Variants in ZBP1 observed in about 807,000 individuals in gnomAD.
The protein encoded by ZBP1 is Z-DNA binding protein 1.
A neutral mutation model predicts 41.1 loss-of-function variants in ZBP1; 42 were observed. That is an observed-to-expected ratio of 1.02 (90% confidence interval 0.80 to 1.32). The LOEUF (loss-of-function observed/expected upper bound fraction) is 1.32, where lower values mean the gene tolerates loss of function less well. ZBP1 is among the 40% of genes most tolerant of loss of function. The pLI, the probability that ZBP1 is intolerant of heterozygous loss-of-function variation, is 0.00. For missense variants in ZBP1, 562 were observed against 549.7 expected (o/e 1.02, Z -0.22); for synonymous variants, 214 against 205.2 (o/e 1.04, Z -0.37).
chr20:57,618,881 G>A (rs529176634), intron 1 of ZBP1, among the ~76,000 whole-genome samples: 14 of 152,268 alleles, frequency 9.2e-5, no homozygotes, highest in Non-Finnish European at 1.9e-4. Context: ...GCGCCTGGCC[G>A]CAGTTTTGAT....
At position 57,604,685 on chromosome 20, in the gene ZBP1, G is replaced by A. The variant is rs753737913; in HGVS notation, c.1178C>T (p.Thr393Ile). 1.2e-6 allele frequency: 2 copies of A among 1,614,194 alleles called. No homozygotes were observed. The highest frequency in any genetic ancestry group is 1.6e-4 in the Middle Eastern group (1 of 6,062). ...QPITPSHSKL[T>I]PKLETMTLGN... is the part of the protein sequence containing the mutation. ...AAGAGTCATAGTTTCCAGCTTGGGG[G>A]TGAGCTTCGAGTGGCTGGGAGTGAT... Residue 393 changes from threonine (T) to isoleucine (I), a missense_variant, in exon 8 of 8, where the codon ACC becomes ATC. Physicochemically the swap from Thr to Ile is moderately conservative, Grantham distance 89. Coordinates refer to ENST00000371173, the MANE Select transcript of ZBP1 (RefSeq NM_030776.3).
At chr20:57,606,697 A>AGAAT (rs373764454) in intron 7 of ZBP1, among the ~76,000 whole-genome samples, 1 of 152,230 alleles carries the variant, frequency 6.6e-6, no homozygotes, top group African/African-American at 2.4e-5. Flanking sequence ...AGGGCCCTTA[A>AGAAT]GAATGATGCT....
intron 5 of ZBP1, chr20:57,612,829 A>G: frequency 9.8e-7 from 1 of 1,025,468 alleles, no homozygotes; most frequent in Non-Finnish European, 1.2e-6. Context: ...TTTCTCATGA[A>G]AAACACCGGA....
Position 57,616,267 on chromosome 20 carries a change from G to T in ZBP1, c.236C>A (p.Ala79Glu). 1 of 1,614,068 alleles carries T rather than the reference G, an allele frequency of 6.2e-7. No individual in the cohort carries two copies. Reference protein sequence around the residue: ...GGTDPEGEGPAELALSSPAER... With the variant: ...GGTDPEGEGPEELALSSPAER... ...ACCAGGGCTGGACAAGGCCAGCTCT[G>T]CAGGACCCTCGCCTTCAGGATCAGT... is the stretch of plus-strand genomic sequence containing the variant. Residue 79 changes from alanine to glutamate, a missense_variant, in exon 2 of 8, where the codon GCA (alanine) becomes GAA (glutamate). Ala to Glu is a moderately radical substitution (Grantham distance 107, BLOSUM62 -1). Coordinates refer to ENST00000371173, the MANE Select transcript of ZBP1 (RefSeq NM_030776.3).
rs6025662 is a variant in ZBP1, at chr20:57,610,575, T to C, written c.875-208A>G. The C allele has an allele frequency of 0.025, 14,854 of 604,050 alleles. 1,725 individuals carry two copies. The African/African-American group carries it at 0.25, about 10-fold the overall frequency. 37.4% of individuals were successfully genotyped at this position (604,050 alleles called of 1,614,324 possible). On this transcript the variant is annotated intron_variant, in intron 6 of 7. Coordinates refer to ENST00000371173, the MANE Select transcript of ZBP1 (RefSeq NM_030776.3). The surrounding 1 kb of genome is among the most constrained non-coding windows in gnomAD (Gnocchi z 5.5). ...TGCTGTCTGGGAAGCGTCTTTCTGC[T>C]CCACTGATCCCGCAGTGGGTCTGCC... is the stretch of plus-strand genomic sequence containing the variant.
At position 57,616,286 on chromosome 20, in the gene ZBP1, G is replaced by T; in HGVS notation, c.217C>A (p.Pro73Thr). The T allele has an allele frequency of 6.2e-7, 1 of 1,614,170 alleles. No individual in the cohort carries two copies. Among genetic ancestry groups the T allele is most frequent in the Non-Finnish European group, 8.5e-7 (1 of 1,180,020 alleles). Residue 73 changes from proline to threonine, a missense_variant, in exon 2 of 8, where the codon CCT becomes ACT. Coordinates refer to ENST00000371173, the MANE Select transcript of ZBP1 (RefSeq NM_030776.3). ...PATWCLGGTD[P>T]EGEGPAELAL... is the part of the protein sequence containing the mutation. Reference sequence around the variant, plus strand: ...AGCTCTGCAGGACCCTCGCCTTCAGGATCAGTCCCGCCCAAGCACCAGGTG... The same window carrying T: ...AGCTCTGCAGGACCCTCGCCTTCAGTATCAGTCCCGCCCAAGCACCAGGTG...
chr20:57,606,658 C>T lies in ZBP1; in HGVS notation c.1094-1889G>A, dbSNP rs575503138. 3.9e-5 allele frequency among the ~76,000 whole-genome samples: 6 copies of T among 152,322 alleles called. No individual in the cohort carries two copies. The East Asian group carries it at 1.2e-3, about 29-fold the overall frequency. ...GTAGCTGGTGACTTTCAGCTGAAGC[C>T]TCTCCTCAATTACCATTTTGGAAAT... On this transcript the variant is annotated intron_variant, in intron 7 of 7. Coordinates refer to ENST00000371173, the MANE Select transcript of ZBP1 (RefSeq NM_030776.3).
rs1328954539 is a variant in ZBP1, at chr20:57,610,178, G to T, written c.1064C>A (p.Ser355Tyr). ...GTCCTCCCCTGGCTCCCCCTCTCCA[G>T]ACCCTGCGACTCCTCCTGGGCCAGC... ...GVAGPGGVAGSGEGEPGEDAG... is the reference protein window; with the variant it reads ...GVAGPGGVAGYGEGEPGEDAG... The change falls in exon 7 of 8, where the codon TCT (serine) becomes TAT (tyrosine). Residue 355 changes from serine (S) to tyrosine (Y), a missense_variant. By Grantham distance (144) the Ser-to-Tyr change is moderately radical. Transcript: ENST00000371173. The surrounding 1 kb of genome is among the most constrained non-coding windows in gnomAD (Gnocchi z 5.5). 6.2e-7 allele frequency: 1 copy of T among 1,613,948 alleles called. No homozygotes were observed. The highest frequency in any genetic ancestry group is 1.3e-5 in the African/African-American group (1 of 74,908).
rs1600721243 is a variant in ZBP1 at position 57,604,855 on chromosome 20, C to T, written c.1094-86G>A. 4.6e-6 allele frequency: 6 copies of T among 1,316,122 alleles called. No individual in the cohort carries two copies. The East Asian group carries it at 1.4e-4, about 30-fold the overall frequency. 81.5% of individuals were successfully genotyped at this position (1,316,122 alleles called of 1,614,324 possible). ...GACCCGCTCTTGGAAGGATTTCGAGCTCAGCTTGAGCCTTTGTTGTTACTG... is the reference window on the plus strand; with the variant it reads ...GACCCGCTCTTGGAAGGATTTCGAGTTCAGCTTGAGCCTTTGTTGTTACTG... On this transcript the variant is annotated intron_variant, in intron 7 of 7. Transcript: ENST00000371173.
Position 57,604,510 on chromosome 20 carries a change from G to C in ZBP1, c.*63C>G. On this transcript the variant is annotated 3_prime_UTR_variant, in exon 8 of 8. Coordinates refer to ENST00000371173, the MANE Select transcript of ZBP1 (RefSeq NM_030776.3). Reference sequence around the variant, plus strand: ...ACGCTAAGGAATGCAGAGAGCAGCAGGCTAGTCTCCCTAGCATGCGCCCAC... The same window carrying C: ...ACGCTAAGGAATGCAGAGAGCAGCACGCTAGTCTCCCTAGCATGCGCCCAC... 2 of 1,544,476 alleles carry C rather than the reference G, an allele frequency of 1.3e-6. No individual in the cohort carries two copies. The highest frequency in any genetic ancestry group is 1.8e-6 in the Non-Finnish European group (2 of 1,118,152).
intron 4 of ZBP1, among the ~76,000 whole-genome samples, chr20:57,614,235 A>G (rs1272947145): frequency 1.3e-5 from 2 of 151,996 alleles, no homozygotes; most frequent in Non-Finnish European, 2.9e-5. Flanking sequence ...GGGTTTCGCC[A>G]TGTTGGCCAG....
Position 57,615,562 on chromosome 20 carries a change from T to C in ZBP1, c.278A>G (p.His93Arg), listed in dbSNP as rs1489099004. Residue 93 changes from histidine (H) to arginine (R), a missense_variant, in exon 3 of 8, where the codon CAT (histidine) becomes CGT (arginine). Transcript: ENST00000371173. ...LSSPAERPQQ[H>R]AATIPETPGP... ...AGGGGTCTCTGGAATTGTAGCTGCATGTTGCTGGGGCCTCTCGGCTGCAGA... is the reference window on the plus strand; with the variant it reads ...AGGGGTCTCTGGAATTGTAGCTGCACGTTGCTGGGGCCTCTCGGCTGCAGA... The C allele has an allele frequency of 1.2e-6, 2 of 1,613,072 alleles. No individual in the cohort carries two copies.
At chr20:57,609,797 A>T (rs2070600825) in intron 7 of ZBP1, among the ~76,000 whole-genome samples, 1 of 151,006 alleles carries the variant, frequency 6.6e-6, no homozygotes, top group Admixed American at 6.6e-5. Context: ...AGACAATAAC[A>T]CTCCTATCTC....
intron 4 of ZBP1, among the ~76,000 whole-genome samples, chr20:57,614,095 C>T (rs777859285): frequency 5.9e-5 from 9 of 152,154 alleles, no homozygotes; most frequent in Non-Finnish European, 1.3e-4. Flanking sequence ...AGTGCAATGG[C>T]GCGATCTCAG....
rs1483047404 is a variant in ZBP1, at chr20:57,606,554, ACTT to A, written c.1094-1788_1094-1786del. Among the ~76,000 whole-genome samples the A allele has an allele frequency of 5.9e-5, 9 of 152,382 alleles. No homozygotes were observed. In the East Asian group the frequency reaches 1.7e-3, roughly 29 times the overall value. ...CTATTGAAAAAAGATGTCATCTAGA[ACTT>A]TCATAACTCGAAAGGAGATGTCAAT... On this transcript the variant is annotated intron_variant, in intron 7 of 7. Coordinates refer to ENST00000371173, the MANE Select transcript of ZBP1 (RefSeq NM_030776.3).
intron 1 of ZBP1, among the ~76,000 whole-genome samples, chr20:57,619,996 C>T (rs371794996): frequency 3.2e-4 from 49 of 152,126 alleles, no homozygotes; most frequent in African/African-American, 1.2e-3. Flanking sequence ...GCCACCATGC[C>T]CGGTTAATTT....
chr20:57,616,136 G>T, intron 2 of ZBP1, 108 bp downstream of exon 2: 1 of 1,004,648 alleles, frequency 1.0e-6, no homozygotes, highest in Non-Finnish European at 1.5e-6. Flanking sequence ...AAACCTGTGA[G>T]CTCCCATGTG....
At chr20:57,615,626 C>A in intron 2 of ZBP1, 46 bp from the exon 3 acceptor site, 2 of 1,561,798 alleles carry the variant, frequency 1.3e-6, no homozygotes, top group African/African-American at 1.4e-5. Context: ...CAGAAGACAG[C>A]ACCAGGCCTC....
chr20:57,606,909 A>T, intron 7 of ZBP1: 2 of 1,080,678 alleles, frequency 1.9e-6, no homozygotes, highest in Non-Finnish European at 2.3e-6. Context: ...GGCCAAAAAA[A>T]AATTTTTTTT....
Sources: gnomAD v4.1 joint callset for allele counts (sites outside exome capture counted in the v4.1 genomes callset) on GRCh38, gnomAD v4.1.1 for gene constraint, Gnocchi (gnomAD v3.1) non-coding constraint, MANE v1.5 for transcripts, NCBI Gene and HGNC (gene_info 2026-07-23, HGNC 2026-07-21) for gene names.